The following MYH10 variants were observed in gnomAD, a reference collection of about 807,000 sequenced individuals.
MYH10 encodes myosin heavy chain 10.
Under a neutral mutation model 257.8 loss-of-function variants are expected in MYH10, and 55 were observed. That is an observed-to-expected ratio of 0.21 (90% confidence interval 0.17 to 0.27). MYH10 has a LOEUF of 0.27. Among genes scored for constraint, MYH10 ranks in the 10% least tolerant of loss-of-function variants. The pLI is 1.00. For missense variants in MYH10, 1,631 were observed against 2,500.6 expected (o/e 0.65, Z 7.42); for synonymous variants, 854 against 921.7 (o/e 0.93, Z 1.33).
At chr17:8,553,147 T>C (rs538502233) in intron 8 of MYH10, among the ~76,000 whole-genome samples, 1 of 152,338 alleles carries the variant, frequency 6.6e-6, no homozygotes, top group Admixed American at 6.5e-5. Context: ...GACACACTCA[T>C]ATGAATCATG....
rs966490423 is a variant in MYH10 at position 8,481,608 on chromosome 17, T to C, written c.5176-198A>G. Among the ~76,000 whole-genome samples the C allele has an allele frequency of 2.0e-5, 3 of 152,348 alleles. No homozygotes were observed. The East Asian group carries it at 5.8e-4, about 29-fold the overall frequency. Reference sequence around the variant, plus strand: ...AGCCAGGTGGTGTGTGGTGTCAGCATCTGACACAGATGTCCAGAGGAAAGT... The same window carrying C: ...AGCCAGGTGGTGTGTGGTGTCAGCACCTGACACAGATGTCCAGAGGAAAGT... On this transcript the variant is annotated intron_variant, in intron 37 of 42. Coordinates refer to ENST00000360416, the MANE Select transcript of MYH10 (RefSeq NM_001256012.3).
chr17:8,499,596 T>TTGAA (rs1917200812), intron 29 of MYH10, 120 bp from the exon 30 acceptor site: 1 of 835,578 alleles, frequency 1.2e-6, no homozygotes, highest in African/African-American at 1.7e-5. Flanking sequence ...TCAACATCTG[T>TTGAA]TGAATGAATG....
intron 17 of MYH10, 150 bp downstream of exon 17, chr17:8,530,473 A>G (rs970946513): frequency 6.3e-5 from 37 of 590,018 alleles, no homozygotes; most frequent in Non-Finnish European, 8.7e-5. Flanking sequence ...ATGCAGGCCT[A>G]TGAGCAAAAC....
At chr17:8,516,105 G>A (rs1231682744) in intron 21 of MYH10, among the ~76,000 whole-genome samples, 5 of 152,206 alleles carry the variant, frequency 3.3e-5, no homozygotes, top group African/African-American at 9.7e-5. Flanking sequence ...TTCCTTCTCC[G>A]CAGTGGTCGG....
intron 3 of MYH10, among the ~76,000 whole-genome samples, chr17:8,589,985 G>A (rs1259960851): frequency 1.3e-5 from 2 of 152,196 alleles, no homozygotes; most frequent in Non-Finnish European, 2.9e-5. Context: ...AGGCCTGTCT[G>A]CCTCTAGCAC....
rs774666686 is a variant in MYH10 at position 8,518,806 on chromosome 17, G to A, written c.2344-15C>T. 1 of 1,605,272 alleles carries A rather than the reference G, an allele frequency of 6.2e-7. No homozygotes were observed. Among genetic ancestry groups the A allele is most frequent in the Non-Finnish European group, 8.5e-7 (1 of 1,177,546 alleles). On this transcript the variant is annotated splice_polypyrimidine_tract_variant and intron_variant, in intron 20 of 42. Transcript: ENST00000360416. ...AAAGCCCGGATCTAAGAGAGAAAGA[G>A]TTTATTTACTTTTTTTAACTACAAG...
intron 30 of MYH10, among the ~76,000 whole-genome samples, chr17:8,498,630 G>C (rs189934065): frequency 6.6e-6 from 1 of 151,950 alleles, no homozygotes. Context: ...GGCGGATCAC[G>C]AGGTCAGGAG....
intron 3 of MYH10, among the ~76,000 whole-genome samples, chr17:8,595,629 C>G (rs921388209): frequency 1.3e-5 from 2 of 151,984 alleles, no homozygotes; most frequent in Non-Finnish European, 2.9e-5. Flanking sequence ...ACAGTTTTCT[C>G]CATATTGGTC....
rs1255634637 is a variant in MYH10 at position 8,492,452 on chromosome 17, C to T, written c.4516G>A (p.Glu1506Lys). Residue 1506 changes from glutamate (E) to lysine (K), a missense_variant, in exon 34 of 43, where the codon GAA becomes AAA. Transcript: ENST00000360416. Reference protein sequence around the residue: ...ARYAEERDRAEAEAREKETKA... With the variant: ...ARYAEERDRAKAEAREKETKA... Reference sequence around the variant, plus strand: ...GTTTCTTTCTCTCTGGCCTCGGCTTCGGCCCGGTCCCGCTCTTCGGCATAG... The same window carrying T: ...GTTTCTTTCTCTCTGGCCTCGGCTTTGGCCCGGTCCCGCTCTTCGGCATAG... 1 of 1,612,658 alleles carries T rather than the reference C, an allele frequency of 6.2e-7. No individual in the cohort carries two copies. The highest frequency in any genetic ancestry group is 8.5e-7 in the Non-Finnish European group (1 of 1,180,024).
intron 14 of MYH10, among the ~76,000 whole-genome samples, chr17:8,537,437 A>G (rs1174252485): frequency 6.6e-6 from 1 of 152,212 alleles, no homozygotes; most frequent in Non-Finnish European, 1.5e-5. Flanking sequence ...AGCGGGTGGA[A>G]GCTGAGGGAA....
rs145324639 is a variant in MYH10 at position 8,617,592 on chromosome 17, T to C, written c.345+5310A>G. 2.0e-3 allele frequency among the ~76,000 whole-genome samples: 303 copies of C among 152,302 alleles called. 1 individual carries two copies. The highest frequency in any genetic ancestry group is 6.8e-3 in the African/African-American group (283 of 41,570). ...ATATGAGTTACAGATATGCATATCC[T>C]ATCATCCAGGAATTCCACTCCTAGT... On this transcript the variant is annotated intron_variant, in intron 2 of 42. Transcript: ENST00000360416.
chr17:8,491,324 A>G (rs1043089818), intron 34 of MYH10, among the ~76,000 whole-genome samples: 2 of 152,236 alleles, frequency 1.3e-5, no homozygotes, highest in Admixed American at 6.5e-5. Context: ...TGCTACAGAA[A>G]ACGAACATGA....
In MYH10 at chr17:8,514,259, GCT is replaced by G. The variant is rs372045046; in HGVS notation, c.2505-367_2505-366del. ...CAGAAGGGCCCGTTTTCTCTGTGCT[GCT>G]CTCTTTATCGTGCCTTTAGGAGCTA... On this transcript the variant is annotated intron_variant, in intron 21 of 42. Transcript: ENST00000360416. 8.5e-5 allele frequency among the ~76,000 whole-genome samples: 13 copies of G among 152,298 alleles called. No individual in the cohort carries two copies. The East Asian group carries it at 2.1e-3, about 25-fold the overall frequency.
At chr17:8,613,357 T>C (rs2085118202) in intron 2 of MYH10, among the ~76,000 whole-genome samples, 1 of 152,040 alleles carries the variant, frequency 6.6e-6, no homozygotes, top group Non-Finnish European at 1.5e-5. Flanking sequence ...ACTAAATGAA[T>C]ATCGACAGTA....
chr17:8,483,172 A>G (rs1034396465), intron 37 of MYH10, among the ~76,000 whole-genome samples: 6 of 152,224 alleles, frequency 3.9e-5, no homozygotes, highest in African/African-American at 1.2e-4. Flanking sequence ...TTACATGACA[A>G]TGAAATTACT....
intron 3 of MYH10, among the ~76,000 whole-genome samples, chr17:8,604,271 G>A (rs554992555): frequency 3.3e-5 from 5 of 152,180 alleles, no homozygotes; most frequent in South Asian, 4.1e-4. Flanking sequence ...ACTACATTCC[G>A]GTCTTTTAAA....
intron 3 of MYH10, among the ~76,000 whole-genome samples, chr17:8,600,314 T>C (rs1476166054): frequency 2.0e-5 from 3 of 151,978 alleles, no homozygotes; most frequent in Non-Finnish European, 4.4e-5. Context: ...GTTGTTAACA[T>C]ATAGGGGGAA....
chr17:8,598,271 T>C (rs957044532), intron 3 of MYH10, among the ~76,000 whole-genome samples: 3 of 152,240 alleles, frequency 2.0e-5, no homozygotes, highest in Non-Finnish European at 2.9e-5. Flanking sequence ...TCCACCTTAT[T>C]TTGAGTCAAT....
chr17:8,520,111 T>TAC (rs1401519412), intron 19 of MYH10, among the ~76,000 whole-genome samples: 34 of 152,306 alleles, frequency 2.2e-4, no homozygotes, highest in Admixed American at 4.6e-4. Context: ...CCCCAACATG[T>TAC]TTTTAGGAAT....
Sources: gnomAD v4.1 joint callset for allele counts (sites outside exome capture counted in the v4.1 genomes callset) on GRCh38, gnomAD v4.1.1 for gene constraint, MANE v1.5 for transcripts, NCBI Gene and HGNC (gene_info 2026-07-23, HGNC 2026-07-21) for gene names.